The following VDAC1 variants were observed in gnomAD, a reference collection of about 807,000 sequenced individuals.
VDAC1 encodes voltage dependent anion channel 1, also known as non-selective voltage-gated ion channel VDAC1.
Under a neutral mutation model 34.7 loss-of-function variants are expected in VDAC1, and 10 were observed. The ratio of observed to expected loss-of-function variants is 0.29; its 90% CI spans 0.18 to 0.49. VDAC1 has a LOEUF of 0.49. VDAC1 is among the 20% of genes least tolerant of loss of function. The pLI is 0.99. For missense variants in VDAC1, 230 were observed against 347.9 expected, an observed-to-expected ratio of 0.66 and a Z score of 2.69; for synonymous variants, 130 against 136.0, an observed-to-expected ratio of 0.96 and a Z score of 0.30.
At chr5:134,021,408 G>A in the VDAC1 span, among the ~76,000 whole-genome samples, 6 of 148,832 alleles carry the variant, frequency 4.0e-5, no homozygotes, top group South Asian at 6.4e-4. Flanking sequence ...TCATTGCTCC[G>A]TTTCCACCTC....
At chr5:133,982,540 C>T (rs190598162) in intron 5 of VDAC1, among the ~76,000 whole-genome samples, 122 of 148,836 alleles carry the variant, frequency 8.2e-4, no homozygotes, top group African/African-American at 2.6e-3. Context: ...ATTATAATAA[C>T]GCTCAAATCA....
the VDAC1 span, among the ~76,000 whole-genome samples, chr5:134,097,578 C>T: frequency 4.7e-4 from 72 of 152,362 alleles, no homozygotes; most frequent in African/African-American, 1.7e-3. Context: ...TGGAAGCCCT[C>T]GGCCACCTCG....
chr5:134,050,695 A>T, the VDAC1 span, among the ~76,000 whole-genome samples: 1 of 152,238 alleles, frequency 6.6e-6, no homozygotes. Flanking sequence ...TAGCCTAAGA[A>T]ACTTCTTGAA....
At chr5:133,975,753 C>T in intron 7 of VDAC1, 118 bp downstream of exon 7, 2 of 1,487,734 alleles carry the variant, frequency 1.3e-6, no homozygotes, top group South Asian at 2.5e-5. Context: ...GTCACGGCGC[C>T]CAGCAGCATC....
the VDAC1 span, among the ~76,000 whole-genome samples, chr5:134,069,878 A>G: frequency 6.6e-6 from 1 of 152,180 alleles, no homozygotes; most frequent in South Asian, 2.1e-4. Context: ...AACAGATTGC[A>G]GCAAAGAAGC....
At chr5:134,001,732 A>AG (rs1417294169) in intron 1 of VDAC1, among the ~76,000 whole-genome samples, 2 of 151,056 alleles carry the variant, frequency 1.3e-5, no homozygotes, top group South Asian at 2.1e-4. Context: ...AAAAAAAAAA[A>AG]AAAGAGAGAG....
the VDAC1 span, among the ~76,000 whole-genome samples, chr5:134,068,966 C>CTGTGTGTGTGTGTGTGTGTGTG: frequency 6.6e-5 from 9 of 136,608 alleles, no homozygotes; most frequent in African/African-American, 2.5e-4. Flanking sequence ...TGGGAGGTGA[C>CTGTGTGTGTGTGTGTGTGTGTG]TGTGTGTGTG....
the VDAC1 span, among the ~76,000 whole-genome samples, chr5:134,095,802 C>T: frequency 1.8e-4 from 28 of 152,340 alleles, no homozygotes; most frequent in Non-Finnish European, 3.8e-4. Context: ...TGCAGTTCCT[C>T]GGTCACACCA....
chr5:134,064,680 A>G, the VDAC1 span, among the ~76,000 whole-genome samples: 1 of 151,502 alleles, frequency 6.6e-6, no homozygotes, highest in Non-Finnish European at 1.5e-5. Context: ...AGGGATATAG[A>G]ACTAACATAA....
intron 6 of VDAC1, among the ~76,000 whole-genome samples, chr5:133,978,734 C>T (rs1242907011): frequency 6.6e-6 from 1 of 152,154 alleles, no homozygotes; most frequent in Non-Finnish European, 1.5e-5. Context: ...AAACAGAAGG[C>T]AGATGCAGTG....
chr5:134,091,091 A>G, the VDAC1 span, among the ~76,000 whole-genome samples: 5 of 152,202 alleles, frequency 3.3e-5, no homozygotes, highest in Non-Finnish European at 5.9e-5. Flanking sequence ...AGGGAGAAAA[A>G]TTAAGGCCAT....
the VDAC1 span, among the ~76,000 whole-genome samples, chr5:134,069,014 A>G: frequency 0.83 from 118,623 of 142,734 alleles, 47,743 homozygotes; most frequent in African/African-American, 0.93. Flanking sequence ...GTGTGTGTTC[A>G]CGTGCGCCTT....
chr5:134,088,450 T>C, the VDAC1 span, among the ~76,000 whole-genome samples: 4 of 152,090 alleles, frequency 2.6e-5, no homozygotes, highest in Non-Finnish European at 4.4e-5. Context: ...GAGAGACAGC[T>C]GGAAGGGGGC....
intron 1 of VDAC1, among the ~76,000 whole-genome samples, chr5:133,997,795 G>A (rs143543157): frequency 0.016 from 2,407 of 151,908 alleles, 30 homozygotes; most frequent in South Asian, 0.036. Flanking sequence ...CGTGCGCAGT[G>A]GCTCATGCCT....
At chr5:133,986,252 C>T (rs117794721) in intron 5 of VDAC1, among the ~76,000 whole-genome samples, 21 of 152,296 alleles carry the variant, frequency 1.4e-4, no homozygotes, top group East Asian at 9.6e-4. Flanking sequence ...GTCTACACTC[C>T]GCTCCTCCTG....
chr5:134,054,182 T>A, the VDAC1 span, among the ~76,000 whole-genome samples: 1 of 152,204 alleles, frequency 6.6e-6, no homozygotes, highest in Non-Finnish European at 1.5e-5. Flanking sequence ...GTGTGGTAAT[T>A]TTTTGAATGA....
the VDAC1 span, among the ~76,000 whole-genome samples, chr5:134,031,887 G>A: frequency 1.3e-5 from 2 of 149,468 alleles, no homozygotes; most frequent in South Asian, 4.2e-4. Context: ...GGAGGTGGAG[G>A]TTGCATTGAG....
the VDAC1 span, among the ~76,000 whole-genome samples, chr5:134,061,822 G>A: frequency 6.6e-6 from 1 of 151,756 alleles, no homozygotes; most frequent in Non-Finnish European, 1.5e-5. Flanking sequence ...ATCAGTGGTA[G>A]CAGGTAGATT....
upstream of VDAC1, among the ~76,000 whole-genome samples, chr5:134,008,640 C>T (rs1753791059): frequency 6.6e-6 from 1 of 152,236 alleles, no homozygotes; most frequent in Non-Finnish European, 1.5e-5. Context: ...TGAAACACTC[C>T]CAACTCTTCT....
Sources: gnomAD v4.1 joint callset for allele counts (sites outside exome capture counted in the v4.1 genomes callset) on GRCh38, gnomAD v4.1.1 for gene constraint, MANE v1.5 for transcripts, NCBI Gene and HGNC (gene_info 2026-07-23, HGNC 2026-07-21) for gene names.